PDE1A: variants seen among roughly 807,000 people sequenced by gnomAD.
The protein encoded by PDE1A is phosphodiesterase 1A.
PDE1A carries 35 observed loss-of-function variants against 61.7 expected under a neutral mutation model. The ratio of observed to expected loss-of-function variants is 0.57; its 90% CI spans 0.43 to 0.75. The LOEUF is 0.75. Among genes scored for constraint, PDE1A ranks in the 30% least tolerant of loss-of-function variants. The pLI, the probability that PDE1A is intolerant of heterozygous loss-of-function variation, is 0.00. For missense variants in PDE1A, 597 were observed against 630.6 expected, an observed-to-expected ratio of 0.95 and a Z score of 0.57; for synonymous variants, 232 against 213.2, an observed-to-expected ratio of 1.09 and a Z score of -0.77.
intron 1 of PDE1A, among the ~76,000 whole-genome samples, chr2:182,355,724 G>T (rs1449009961): frequency 6.6e-6 from 1 of 151,988 alleles, no homozygotes; most frequent in Non-Finnish European, 1.5e-5. Context: ...TTTAATTAAG[G>T]TAGAGTTTTG....
chr2:182,159,760 G>C (rs1439480793), intron 13 of PDE1A, among the ~76,000 whole-genome samples: 1 of 152,120 alleles, frequency 6.6e-6, no homozygotes, highest in East Asian at 1.9e-4. Flanking sequence ...TTCAAGACCA[G>C]CCTGTGGAAC....
intron 1 of PDE1A, among the ~76,000 whole-genome samples, chr2:182,398,909 C>G (rs956818496): frequency 3.9e-5 from 6 of 152,102 alleles, no homozygotes; most frequent in African/African-American, 9.6e-5. Context: ...TGAATTTCAA[C>G]ATGAAGTTCT....
At chr2:182,448,508 T>A (rs911172904) in intron 2 of PDE1A, among the ~76,000 whole-genome samples, 1 of 152,084 alleles carries the variant, frequency 6.6e-6, no homozygotes, top group African/African-American at 2.4e-5. Flanking sequence ...TGTTGGGTTA[T>A]GGACCATTCT....
At chr2:182,188,899 C>G in intron 11 of PDE1A, 80 bp downstream of exon 11, 1 of 885,040 alleles carries the variant, frequency 1.1e-6, no homozygotes, top group Non-Finnish European at 1.9e-6. Flanking sequence ...GCAAGTTACC[C>G]CTTTGAACAA....
At chr2:182,519,678 T>C (rs1257305390) in intron 2 of PDE1A, among the ~76,000 whole-genome samples, 2 of 151,852 alleles carry the variant, frequency 1.3e-5, no homozygotes, top group Non-Finnish European at 3.0e-5. Flanking sequence ...TTCCAAAATT[T>C]AAAAATTATT....
chr2:182,157,352 A>G (rs572770528), intron 13 of PDE1A, among the ~76,000 whole-genome samples: 24 of 152,174 alleles, frequency 1.6e-4, no homozygotes, highest in African/African-American at 5.3e-4. Flanking sequence ...CTGAAACACC[A>G]TGGCTAAGCA....
Position 182,197,217 on chromosome 2 carries a change from C to T in PDE1A, c.1125+4222G>A, listed in dbSNP as rs146145285. 1.4e-3 allele frequency among the ~76,000 whole-genome samples: 209 copies of T among 151,792 alleles called. 1 individual carries two copies. Among genetic ancestry groups the T allele is most frequent in the African/African-American group, 4.6e-3 (189 of 41,494 alleles). On this transcript the variant is annotated intron_variant, in intron 10 of 13. Coordinates refer to ENST00000351439, the Ensembl canonical transcript of PDE1A. Reference sequence around the variant, plus strand: ...TGTATGTAAGTATTACCTACTTGTACATTTCCTTTTATAAAATATCCATTC... The same window carrying T: ...TGTATGTAAGTATTACCTACTTGTATATTTCCTTTTATAAAATATCCATTC...
rs532630997 is a variant in PDE1A at position 182,391,376 on chromosome 2, G to A, written c.53+35202C>T. Among the ~76,000 whole-genome samples the A allele has an allele frequency of 2.0e-5, 3 of 152,288 alleles. No homozygotes were observed. The East Asian group carries it at 5.8e-4, about 29-fold the overall frequency. On this transcript the variant is annotated intron_variant, in intron 1 of 13. Transcript: ENST00000351439. ...TTGGTTAACTGAAACATGGACCAAA[G>A]ATGCCCCACTGTGAGTGAGCTGGAA... is the stretch of plus-strand genomic sequence containing the variant.
At chr2:182,658,074 A>T in the PDE1A span, among the ~76,000 whole-genome samples, 1 of 28,826 alleles carries the variant, frequency 3.5e-5, no homozygotes, top group African/African-American at 8.8e-5. Flanking sequence ...AAAAAAAAAC[A>T]AAAAAACTTT....
At chr2:182,579,098 G>T in the PDE1A span, among the ~76,000 whole-genome samples, 1 of 152,112 alleles carries the variant, frequency 6.6e-6, no homozygotes, top group Non-Finnish European at 1.5e-5. Flanking sequence ...AAACAGTTTT[G>T]AAAGCTCAGA....
chr2:182,212,856 G>T (rs1687765779), intron 7 of PDE1A, among the ~76,000 whole-genome samples: 1 of 152,212 alleles, frequency 6.6e-6, no homozygotes, highest in South Asian at 2.1e-4. Flanking sequence ...GCCTGCCATT[G>T]CCCAGCCTTG....
the PDE1A span, among the ~76,000 whole-genome samples, chr2:182,591,982 G>A: frequency 1.3e-5 from 2 of 152,208 alleles, no homozygotes; most frequent in South Asian, 4.1e-4. Flanking sequence ...TCTGAAGAGT[G>A]CACTCCTGAT....
intron 1 of PDE1A, among the ~76,000 whole-genome samples, chr2:182,346,542 A>T (rs1408982535): frequency 6.6e-6 from 1 of 152,174 alleles, no homozygotes; most frequent in Non-Finnish European, 1.5e-5. Flanking sequence ...GTTTAGTTTT[A>T]AAAGAATAAT....
At chr2:182,186,399 T>A (rs897957225) in intron 12 of PDE1A, 69 bp downstream of exon 12, 8 of 1,525,502 alleles carry the variant, frequency 5.2e-6, no homozygotes, top group Non-Finnish European at 7.2e-6. Flanking sequence ...GTGAGAAATA[T>A]AATCATTAAG....
intron 2 of PDE1A, among the ~76,000 whole-genome samples, chr2:182,437,891 T>C (rs549305316): frequency 1.3e-5 from 2 of 152,122 alleles, no homozygotes; most frequent in African/African-American, 4.8e-5. Context: ...CTTAAATTTA[T>C]GGAGATTCTG....
At chr2:182,395,229 T>TTC (rs540198901) in intron 1 of PDE1A, among the ~76,000 whole-genome samples, 49 of 152,360 alleles carry the variant, frequency 3.2e-4, no homozygotes, top group South Asian at 2.5e-3. Context: ...TACCTTTACT[T>TTC]TCCTACCTCA....
intron 2 of PDE1A, among the ~76,000 whole-genome samples, chr2:182,432,426 T>C (rs1221524072): frequency 6.7e-6 from 1 of 149,890 alleles, no homozygotes; most frequent in Admixed American, 6.6e-5. Context: ...AGCTTTGCTG[T>C]TGTTGTTGTT....
At chr2:182,671,982 C>G in the PDE1A span, among the ~76,000 whole-genome samples, 1 of 152,114 alleles carries the variant, frequency 6.6e-6, no homozygotes, top group African/African-American at 2.4e-5. Context: ...TCCCCTTACT[C>G]CAGCTCCTCC....
At chr2:182,547,503 T>G in the PDE1A span, among the ~76,000 whole-genome samples, 1 of 152,336 alleles carries the variant, frequency 6.6e-6, no homozygotes, top group South Asian at 2.1e-4. Context: ...CAGAATTTAC[T>G]TCGTGTAAGT....
Sources: gnomAD v4.1 joint callset for allele counts (sites outside exome capture counted in the v4.1 genomes callset) on GRCh38, gnomAD v4.1.1 for gene constraint, MANE v1.5 for transcripts, NCBI Gene and HGNC (gene_info 2026-07-23, HGNC 2026-07-21) for gene names.